The following VTI1A variants were observed in gnomAD, a reference collection of about 807,000 sequenced individuals.
VTI1A encodes the protein vesicle transport through interaction with t-SNAREs 1A.
Under a neutral mutation model 34.9 loss-of-function variants are expected in VTI1A, and 22 were observed. That is an observed-to-expected ratio of 0.63 (90% CI 0.45 to 0.90). The LOEUF is 0.90. Ranked by LOEUF, VTI1A falls within the 40% of genes least tolerant of loss-of-function variation. The probability of loss-of-function intolerance (pLI) is 0.00; values close to 1 mark genes in which losing one functional copy is unlikely to be tolerated. For missense variants in VTI1A, 268 were observed against 275.6 expected (o/e 0.97, Z 0.20); for synonymous variants, 87 against 97.3 (o/e 0.89, Z 0.62).
chr10:112,511,202 A>G (rs1211079494), intron 3 of VTI1A, among the ~76,000 whole-genome samples: 1 of 150,248 alleles, frequency 6.7e-6, no homozygotes, highest in Non-Finnish European at 1.5e-5. Flanking sequence ...CCATTTGCTT[A>G]TTTATTTATT....
At chr10:112,597,229 T>G (rs1564842285) in intron 5 of VTI1A, among the ~76,000 whole-genome samples, 1 of 152,150 alleles carries the variant, frequency 6.6e-6, no homozygotes, top group East Asian at 1.9e-4. Flanking sequence ...GTTTGTTTGT[T>G]TTTTTGAGAC....
At chr10:112,512,909 A>G (rs1589848272) in intron 3 of VTI1A, among the ~76,000 whole-genome samples, 1 of 152,024 alleles carries the variant, frequency 6.6e-6, no homozygotes, top group Non-Finnish European at 1.5e-5. Context: ...GTCCAGTTTT[A>G]TACCAATATC....
In VTI1A at chr10:112,502,959, GT is replaced by G. The variant is rs1400517369; in HGVS notation, c.265-24124del. On this transcript the variant is annotated intron_variant, in intron 3 of 7. Transcript: ENST00000393077. ...GTGATTCTTTAGGAACAAACAAAGG[GT>G]TTTATAGAAGTTTGGAGTGTGTTTG... is the stretch of plus-strand genomic sequence containing the variant. 2.6e-5 allele frequency among the ~76,000 whole-genome samples: 4 copies of G among 152,210 alleles called. No homozygotes were observed. In the East Asian group the frequency reaches 5.8e-4, roughly 22 times the overall value.
intron 3 of VTI1A, among the ~76,000 whole-genome samples, chr10:112,465,412 T>C (rs1467541283): frequency 3.3e-5 from 5 of 152,184 alleles, no homozygotes; most frequent in Non-Finnish European, 7.3e-5. Flanking sequence ...TGCACATCCA[T>C]ATTCATAGCA....
intron 7 of VTI1A, among the ~76,000 whole-genome samples, chr10:112,724,798 AAG>A (rs1849951286): frequency 6.6e-6 from 1 of 151,270 alleles, no homozygotes; most frequent in Non-Finnish European, 1.5e-5. Flanking sequence ...AAAAAAAAAA[AAG>A]AAAAAAAAAC....
intron 7 of VTI1A, among the ~76,000 whole-genome samples, chr10:112,686,512 C>A (rs923548400): frequency 6.6e-6 from 1 of 152,102 alleles, no homozygotes; most frequent in African/African-American, 2.4e-5. Context: ...CCTGTTTTAA[C>A]TGTTGGTATT....
chr10:112,804,760 C>T (rs1393766538), intron 7 of VTI1A, among the ~76,000 whole-genome samples: 1 of 151,968 alleles, frequency 6.6e-6, no homozygotes, highest in Non-Finnish European at 1.5e-5. Flanking sequence ...AGGACTTCAG[C>T]CAGACCTGCC....
chr10:112,527,330 G>A (rs1355241978), intron 4 of VTI1A, 166 bp downstream of exon 4: 2 of 505,190 alleles, frequency 4.0e-6, no homozygotes, highest in Non-Finnish European at 7.0e-6. Context: ...ATGTTTCTTG[G>A]AGATCTTACA....
At chr10:112,518,611 A>ATATATATATATG (rs1491386126) in intron 3 of VTI1A, among the ~76,000 whole-genome samples, 1 of 134,208 alleles carries the variant, frequency 7.5e-6, no homozygotes, top group African/African-American at 2.8e-5. Flanking sequence ...ATATATATAT[A>ATATATATATATG]TGTGTGTGTG....
chr10:112,663,295 G>T (rs1847529814), intron 5 of VTI1A, among the ~76,000 whole-genome samples: 1 of 152,174 alleles, frequency 6.6e-6, no homozygotes, highest in East Asian at 1.9e-4. Context: ...GCAGGTACTT[G>T]CCCTATATCG....
intron 5 of VTI1A, among the ~76,000 whole-genome samples, chr10:112,545,345 A>G (rs777990058): frequency 3.3e-5 from 5 of 152,242 alleles, no homozygotes; most frequent in Non-Finnish European, 5.9e-5. Context: ...GACATTTGTG[A>G]TTATAAATCT....
chr10:112,474,554 C>T (rs1848215807), intron 3 of VTI1A, among the ~76,000 whole-genome samples: 1 of 151,600 alleles, frequency 6.6e-6, no homozygotes, highest in South Asian at 2.1e-4. Context: ...CTCCTAGGCT[C>T]AAGTGATCTT....
intron 7 of VTI1A, among the ~76,000 whole-genome samples, chr10:112,794,413 G>A (rs1035884680): frequency 6.6e-6 from 1 of 152,052 alleles, no homozygotes; most frequent in South Asian, 2.1e-4. Flanking sequence ...TTAGCCAGGT[G>A]TGGTCATGCA....
intron 1 of VTI1A, among the ~76,000 whole-genome samples, chr10:112,452,539 G>A (rs1847276748): frequency 6.9e-6 from 1 of 144,434 alleles, no homozygotes; most frequent in African/African-American, 2.6e-5. Context: ...CTGCACTCCA[G>A]CCTAGTGACA....
At chr10:112,686,358 A>AC (rs1848413055) in intron 7 of VTI1A, among the ~76,000 whole-genome samples, 1 of 152,174 alleles carries the variant, frequency 6.6e-6, no homozygotes, top group Non-Finnish European at 1.5e-5. Flanking sequence ...AATGTAATGG[A>AC]CACTTTGATA....
chr10:112,450,221 G>A (rs987701562), intron 1 of VTI1A: 3 of 152,178 alleles, frequency 2.0e-5, no homozygotes, highest in African/African-American at 7.2e-5. Context: ...CGCAGTAGTT[G>A]CCCTCTTAAT....
chr10:112,836,355 A>C, the VTI1A span, among the ~76,000 whole-genome samples: 2 of 152,196 alleles, frequency 1.3e-5, no homozygotes, highest in Non-Finnish European at 2.9e-5. Context: ...TGGTTATATA[A>C]AATGAGGAAA....
chr10:112,467,855 G>C (rs965084474), intron 3 of VTI1A, among the ~76,000 whole-genome samples: 4 of 152,198 alleles, frequency 2.6e-5, no homozygotes, highest in Admixed American at 2.6e-4. Flanking sequence ...GAGTACTATG[G>C]TGTGTCAGGC....
chr10:112,491,044 G>A (rs1029930635), intron 3 of VTI1A, among the ~76,000 whole-genome samples: 2 of 151,068 alleles, frequency 1.3e-5, no homozygotes, highest in African/African-American at 4.9e-5. Flanking sequence ...AGTATAAAGT[G>A]GAATGTGAGA....
Sources: gnomAD v4.1 joint callset for allele counts (sites outside exome capture counted in the v4.1 genomes callset) on GRCh38, gnomAD v4.1.1 for gene constraint, MANE v1.5 for transcripts, NCBI Gene and HGNC (gene_info 2026-07-23, HGNC 2026-07-21) for gene names.